Variants in SPTB observed in about 807,000 individuals in gnomAD.
SPTB encodes the protein spectrin beta chain, erythrocytic.
Under a neutral mutation model 256.2 loss-of-function variants are expected in SPTB, and 45 were observed. The observed-to-expected ratio is 0.18, with a 90% CI of 0.14 to 0.23. The LOEUF (loss-of-function observed/expected upper bound fraction) is 0.23. Among genes scored for constraint, SPTB ranks in the 10% least tolerant of loss-of-function variants. The pLI is 1.00. For synonymous variants in SPTB, 1,231 were observed against 1,243.1 expected (o/e 0.99, Z 0.21); for missense variants, 2,715 against 3,040.4 (o/e 0.89, Z 2.52).
intron 1 of SPTB, among the ~76,000 whole-genome samples, chr14:64,874,910 T>C (rs1882737651): frequency 6.6e-6 from 1 of 152,232 alleles, no homozygotes; most frequent in African/African-American, 2.4e-5. Flanking sequence ...ATATCCTGGA[T>C]GATCTGAGCC....
chr14:64,767,319 G>T lies in SPTB; in HGVS notation c.6253C>A (p.Pro2085Thr), dbSNP rs2082201040. The T allele has an allele frequency of 6.2e-7, 1 of 1,614,072 alleles. No homozygotes were observed. Among genetic ancestry groups the T allele is most frequent in the Non-Finnish European group, 8.5e-7 (1 of 1,180,016 alleles). The change falls in exon 31 of 36, where the codon CCC (proline) becomes ACC (threonine). Residue 2085 changes from proline to threonine, a missense_variant. Coordinates refer to ENST00000644917, the MANE Select transcript of SPTB (RefSeq NM_001355436.2). ...ACCACTCACCCAGTCTCCTCTGCGG[G>T]TCTCTCTGCAATCTGGCGTTCTTTC... ...ELKERQIAER[P>T]AEETGPQEEE...
At chr14:64,789,141 A>G (rs2082625194) in intron 15 of SPTB, among the ~76,000 whole-genome samples, 1 of 152,158 alleles carries the variant, frequency 6.6e-6, no homozygotes, top group South Asian at 2.1e-4. Flanking sequence ...TCTTGAGCCC[A>G]GGAGTTCAAG....
intron 8 of SPTB, 50 bp downstream of exon 8, chr14:64,800,705 GA>G (rs1425775882): frequency 1.3e-6 from 2 of 1,512,688 alleles, no homozygotes. Context: ...ACTCTGTCTG[GA>G]CCTGACAAAC....
At chr14:64,860,318 C>T (rs1369328177) in intron 1 of SPTB, among the ~76,000 whole-genome samples, 3 of 152,216 alleles carry the variant, frequency 2.0e-5, no homozygotes, top group Non-Finnish European at 4.4e-5. Context: ...AAAGGATCGT[C>T]ATATATTCTT....
chr14:64,815,698 G>A (rs576609747), intron 2 of SPTB, among the ~76,000 whole-genome samples: 2 of 152,302 alleles, frequency 1.3e-5, no homozygotes, highest in East Asian at 1.9e-4. Flanking sequence ...CTGGAGAAGC[G>A]CCGATTTGCT....
Position 64,775,440 on chromosome 14 carries a change from C to T in SPTB, c.4564-37G>A. Reference sequence around the variant, plus strand: ...AGGAAGGGCTCGGGGCAGGGCCTTCCCACCATGCGGGGGAGGCTGCTTCAG... The same window carrying T: ...AGGAAGGGCTCGGGGCAGGGCCTTCTCACCATGCGGGGGAGGCTGCTTCAG... On this transcript the variant is annotated intron_variant, in intron 22 of 35. Transcript: ENST00000644917. This position sits in a 1 kb window ranked among gnomAD's most constrained non-coding sequence, Gnocchi z 5.0. 6.3e-7 allele frequency: 1 copy of T among 1,599,984 alleles called. No individual in the cohort carries two copies. Among genetic ancestry groups the T allele is most frequent in the East Asian group, 2.2e-5 (1 of 44,676 alleles).
chr14:64,807,892 C>T lies in SPTB; in HGVS notation c.149-2802G>A, dbSNP rs1291801377. Among the ~76,000 whole-genome samples the T allele has an allele frequency of 6.6e-6, 1 of 152,244 alleles. No homozygotes were observed. The highest frequency in any genetic ancestry group is 1.5e-5 in the Non-Finnish European group (1 of 68,038). On this transcript the variant is annotated intron_variant, in intron 2 of 35. Coordinates refer to ENST00000644917, the MANE Select transcript of SPTB (RefSeq NM_001355436.2). The surrounding 1 kb of genome is among the most constrained non-coding windows in gnomAD (Gnocchi z 4.7). ...ATGGGAAGGAGGCCTCAGCACAGCC[C>T]TGCCAGGAGCCAGGCCTTATTTCCA...
At chr14:64,753,820 CCTTT>C (rs1391897601) in intron 32 of SPTB, 27 bp from the exon 33 acceptor site, 1 of 1,609,956 alleles carries the variant, frequency 6.2e-7, no homozygotes, top group Non-Finnish European at 8.5e-7. Context: ...GAGGAGCACA[CCTTT>C]CTGGGTACTC....
Position 64,787,075 on chromosome 14 carries a change from C to G in SPTB, c.2890G>C (p.Glu964Gln). 1 of 1,613,228 alleles carries G rather than the reference C, an allele frequency of 6.2e-7. No individual in the cohort carries two copies. The highest frequency in any genetic ancestry group is 8.5e-7 in the Non-Finnish European group (1 of 1,180,018). The change falls in exon 16 of 36, where the codon GAG becomes CAG. Residue 964 changes from glutamate to glutamine, a missense_variant. Physicochemically the swap from Glu to Gln is conservative, Grantham distance 29 (BLOSUM62 2). Transcript: ENST00000644917. The part of the protein sequence containing the change: ...LRVHNYCVDC[E>Q]ETSKWITDKT... ...TCCGTGATCCACTTGCTGGTCTCCT[C>G]GCAATCTACGCAGTAGTTGTGCACT...
In SPTB at chr14:64,847,799, G is replaced by T. The variant is rs1399277274; in HGVS notation, c.-51-24654C>A. Among the ~76,000 whole-genome samples, 1 of 152,182 alleles carries T rather than the reference G, an allele frequency of 6.6e-6. No homozygotes were observed. Among genetic ancestry groups the T allele is most frequent in the Non-Finnish European group, 1.5e-5 (1 of 68,042 alleles). On this transcript the variant is annotated intron_variant, in intron 1 of 35. Coordinates refer to ENST00000644917, the MANE Select transcript of SPTB (RefSeq NM_001355436.2). The surrounding 1 kb of genome is among the most constrained non-coding windows in gnomAD (Gnocchi z 5.9). ...CTTTGCTGTCGTGTCAGCCAGCACA[G>T]AGCAGCTCTTGGGAAGCATGCCTTA...
chr14:64,766,270 G>T, intron 32 of SPTB: 1 of 522,878 alleles, frequency 1.9e-6, no homozygotes. Context: ...GTATTTGTGT[G>T]TGCATGCATG....
chr14:64,780,020 T>C, intron 20 of SPTB, 89 bp from the exon 21 acceptor site: 1 of 1,188,704 alleles, frequency 8.4e-7, no homozygotes, highest in South Asian at 1.2e-5. Flanking sequence ...CACCCATCCT[T>C]TAAGGCCCAA....
intron 1 of SPTB, among the ~76,000 whole-genome samples, chr14:64,877,866 CA>C (rs1882899006): frequency 6.6e-6 from 1 of 152,224 alleles, no homozygotes; most frequent in South Asian, 2.1e-4. Context: ...CCTTCACCCC[CA>C]AAACTAGTCA....
intron 2 of SPTB, among the ~76,000 whole-genome samples, chr14:64,817,242 T>C (rs1452039206): frequency 1.3e-5 from 2 of 152,024 alleles, no homozygotes; most frequent in Admixed American, 1.3e-4. Flanking sequence ...CACAGGTAGC[T>C]GGCAGGTTTA....
rs925702440 is a variant in SPTB, at chr14:64,749,069, A to C, written c.*237T>G. 74 of 448,692 alleles carry C rather than the reference A, an allele frequency of 1.6e-4. No individual in the cohort carries two copies. Among genetic ancestry groups the C allele is most frequent in the African/African-American group, 1.5e-3 (70 of 46,216 alleles). The allele number at this position is 448,692 out of a possible 1,614,324, so 27.8% of individuals were successfully genotyped here. On this transcript the variant is annotated 3_prime_UTR_variant, in exon 36 of 36. Coordinates refer to ENST00000644917, the MANE Select transcript of SPTB (RefSeq NM_001355436.2). This position sits in a 1 kb window ranked among gnomAD's most constrained non-coding sequence, Gnocchi z 4.7. ...GGCCTGGAGGCCCCAAAGGCGCCAG[A>C]GGAGCTGGGAGCCCCTGTCCCTGGA...
chr14:64,780,091 T>C (rs1594767836), intron 20 of SPTB, among the ~76,000 whole-genome samples, 160 bp from the exon 21 acceptor site: 1 of 152,182 alleles, frequency 6.6e-6, no homozygotes, highest in Admixed American at 6.5e-5. Flanking sequence ...TTCCCTCTTC[T>C]GAGTGCCTGT....
chr14:64,869,621 ATTTTTTTT>A, intron 1 of SPTB, among the ~76,000 whole-genome samples: 1 of 139,532 alleles, frequency 7.2e-6, no homozygotes, highest in African/African-American at 2.7e-5. Flanking sequence ...GATTTTTTAA[ATTTTTTTT>A]TTTTTTTTTT....
At chr14:64,799,674 AACCTGGCTCT>A in intron 9 of SPTB, 63 bp downstream of exon 9, 1 of 1,574,678 alleles carries the variant, frequency 6.4e-7, no homozygotes, top group Admixed American at 1.8e-5. Context: ...TAAGGCCCAG[AACCTGGCTCT>A]ACCTTTTGGT....
chr14:64,826,146 G>A lies in SPTB; in HGVS notation c.-51-3001C>T, dbSNP rs1269235334. Among the ~76,000 whole-genome samples, 4 of 152,234 alleles carry A rather than the reference G, an allele frequency of 2.6e-5. No individual in the cohort carries two copies. Among genetic ancestry groups the A allele is most frequent in the Non-Finnish European group, 5.9e-5 (4 of 68,036 alleles). On this transcript the variant is annotated intron_variant, in intron 1 of 35. Transcript: ENST00000644917. This position sits in a 1 kb window ranked among gnomAD's most constrained non-coding sequence, Gnocchi z 4.4. ...TCCATCAGAGTCAAGGGGGTCATGG[G>A]ATGGGCCAGTGCATGCAGGAAGGGA...
Sources: allele counts gnomAD v4.1 joint callset (sites outside exome capture counted in the v4.1 genomes callset), GRCh38; gene constraint gnomAD v4.1.1; non-coding constraint Gnocchi (gnomAD v3.1); transcripts MANE v1.5; gene names NCBI Gene and HGNC (gene_info 2026-07-23, HGNC 2026-07-21).